Variants in SND1 observed in about 807,000 individuals in gnomAD.
SND1 encodes the protein staphylococcal nuclease domain-containing protein 1.
A neutral mutation model predicts 121.7 loss-of-function variants in SND1; 38 were observed. That is an observed-to-expected ratio of 0.31 (90% confidence interval 0.24 to 0.41). The LOEUF (loss-of-function observed/expected upper bound fraction) is 0.41, where lower values mean the gene tolerates loss of function less well. SND1 is among the 10% of genes least tolerant of loss of function. The probability of loss-of-function intolerance (pLI) is 1.00; values close to 1 mark genes in which losing one functional copy is unlikely to be tolerated. For synonymous variants in SND1, 401 were observed against 447.4 expected (o/e 0.90, Z 1.31); for missense variants, 868 against 1,184.6 (o/e 0.73, Z 3.92).
At chr7:127,694,980 A>C (rs1269371815) in intron 3 of SND1, 32 bp downstream of exon 3, 1 of 1,597,482 alleles carries the variant, frequency 6.3e-7, no homozygotes, top group South Asian at 1.1e-5. Context: ...CATTTCTCTC[A>C]AGTCTAAAGT....
intron 16 of SND1, among the ~76,000 whole-genome samples, chr7:128,048,713 G>A (rs1004813170): frequency 1.3e-5 from 2 of 152,228 alleles, no homozygotes; most frequent in South Asian, 2.1e-4. Context: ...AGGGCGAGAC[G>A]GCAGAAAGCT....
At chr7:127,706,465 G>A (rs533347530) in intron 8 of SND1, among the ~76,000 whole-genome samples, 61 of 151,938 alleles carry the variant, frequency 4.0e-4, no homozygotes, top group Middle Eastern at 3.4e-3. Flanking sequence ...TCACCACGTT[G>A]GCCAGGATGG....
At chr7:127,967,146 A>G (rs1801871398) in intron 15 of SND1, among the ~76,000 whole-genome samples, 1 of 152,196 alleles carries the variant, frequency 6.6e-6, no homozygotes, top group South Asian at 2.1e-4. Context: ...GGTGTTGCAC[A>G]GTCATTAGAT....
chr7:127,718,389 G>A (rs1307147970), intron 9 of SND1, among the ~76,000 whole-genome samples: 1 of 152,122 alleles, frequency 6.6e-6, no homozygotes, highest in Non-Finnish European at 1.5e-5. Flanking sequence ...TTTTATTGCC[G>A]ATTCCATGTC....
In SND1 at chr7:128,089,582, C is replaced by A; in HGVS notation, c.2512C>A (p.Pro838Thr). 1 of 1,614,208 alleles carries A rather than the reference C, an allele frequency of 6.2e-7. No individual in the cohort carries two copies. The highest frequency in any genetic ancestry group is 8.5e-7 in the Non-Finnish European group (1 of 1,180,044). ...CGTGGAACACCTGAGTGCCGGCTGCCCCCATGTCACCCTGCAGTTTGCAGA... is the reference window on the plus strand; with the variant it reads ...CGTGGAACACCTGAGTGCCGGCTGCACCCATGTCACCCTGCAGTTTGCAGA... Reference protein sequence around the residue: ...LNVEHLSAGCPHVTLQFADSK... With the variant: ...LNVEHLSAGCTHVTLQFADSK... The change falls in exon 22 of 24, where the codon CCC becomes ACC. Residue 838 changes from proline to threonine, a missense_variant. By Grantham distance (38) the Pro-to-Thr change is conservative. Transcript: ENST00000354725.
intron 12 of SND1, among the ~76,000 whole-genome samples, chr7:127,881,162 ACT>A (rs1416977936): frequency 6.6e-6 from 1 of 151,744 alleles, no homozygotes; most frequent in African/African-American, 2.4e-5. Flanking sequence ...TCTGCCTCCC[ACT>A]CTCTGGGTCC....
chr7:127,734,475 A>G (rs935280859), intron 10 of SND1, among the ~76,000 whole-genome samples: 10 of 152,188 alleles, frequency 6.6e-5, no homozygotes, highest in South Asian at 2.1e-4. Context: ...CTCATGTGCA[A>G]TTATATTAGC....
Position 127,887,968 on chromosome 7 carries a change from C to T in SND1, c.1410C>T (p.Asp470=), listed in dbSNP as rs766893429. 13 of 1,612,044 alleles carry T rather than the reference C, an allele frequency of 8.1e-6. No individual in the cohort carries two copies. Among genetic ancestry groups the T allele is most frequent in the Admixed American group, 3.3e-5 (2 of 59,854 alleles). Residue 470 remains aspartate, a synonymous_variant, in exon 13 of 24, where the codon GAC becomes GAT. Transcript: ENST00000354725. ...TGATCAGATACCGGCAGGATGATGACCAGAGATCATCACACTACGATGAAC... is the reference window on the plus strand; with the variant it reads ...TGATCAGATACCGGCAGGATGATGATCAGAGATCATCACACTACGATGAAC... ...ATVIRYRQDD[D]QRSSHYDELL...
intron 9 of SND1, among the ~76,000 whole-genome samples, chr7:127,708,375 C>G (rs1218364709): frequency 6.9e-6 from 1 of 145,940 alleles, no homozygotes; most frequent in African/African-American, 2.6e-5. Flanking sequence ...TCCTTCCTTT[C>G]TTCCTTCCTT....
At chr7:128,081,157 C>G (rs571667652) in intron 17 of SND1, among the ~76,000 whole-genome samples, 1 of 152,226 alleles carries the variant, frequency 6.6e-6, no homozygotes, top group Non-Finnish European at 1.5e-5. Flanking sequence ...CCACCGCACC[C>G]AGCTAATTTT....
At chr7:127,867,504 C>G (rs1799499910) in intron 12 of SND1, among the ~76,000 whole-genome samples, 1 of 152,160 alleles carries the variant, frequency 6.6e-6, no homozygotes, top group African/African-American at 2.4e-5. Flanking sequence ...AACTGCTGTT[C>G]CTTTACTCAA....
At chr7:127,898,726 A>G (rs1455007724) in intron 13 of SND1, among the ~76,000 whole-genome samples, 1 of 152,070 alleles carries the variant, frequency 6.6e-6, no homozygotes, top group Admixed American at 6.6e-5. Context: ...GTTCCTTACA[A>G]TCCTGCTACT....
At chr7:127,652,717 C>T (rs1283461213) in intron 1 of SND1, among the ~76,000 whole-genome samples, 1 of 152,212 alleles carries the variant, frequency 6.6e-6, no homozygotes, top group African/African-American at 2.4e-5. Context: ...TTTACCAGGA[C>T]AGATCGATTA....
chr7:127,881,890 C>A (rs766499645), intron 12 of SND1, among the ~76,000 whole-genome samples: 4 of 152,132 alleles, frequency 2.6e-5, no homozygotes, highest in African/African-American at 9.7e-5. Context: ...CCTCCTGCCT[C>A]GCCCTCCCAA....
chr7:128,016,263 G>A (rs941851706), intron 16 of SND1, among the ~76,000 whole-genome samples: 3 of 150,170 alleles, frequency 2.0e-5, no homozygotes, highest in Non-Finnish European at 3.0e-5. Flanking sequence ...GACTATAGAT[G>A]TGCACCACCC....
intron 9 of SND1, among the ~76,000 whole-genome samples, chr7:127,713,837 G>A (rs1452695138): frequency 6.6e-6 from 1 of 152,206 alleles, no homozygotes; most frequent in African/African-American, 2.4e-5. Flanking sequence ...TGCAAAGGAA[G>A]GGCTCTCCTT....
intron 6 of SND1, 74 bp from the exon 7 acceptor site, chr7:127,703,091 G>C: frequency 6.5e-7 from 1 of 1,539,250 alleles, no homozygotes; most frequent in Non-Finnish European, 8.9e-7. Flanking sequence ...TTTTTTGGAA[G>C]GCTTAGTGTG....
At chr7:127,886,431 G>C (rs187225310) in intron 12 of SND1, among the ~76,000 whole-genome samples, 67 of 151,998 alleles carry the variant, frequency 4.4e-4, no homozygotes, top group African/African-American at 1.4e-3. Context: ...AAGAACCACT[G>C]GTGTGTTAGG....
chr7:127,737,673 T>G (rs1026934496), intron 10 of SND1, among the ~76,000 whole-genome samples: 1 of 152,170 alleles, frequency 6.6e-6, no homozygotes. Flanking sequence ...GGACCAGAAG[T>G]GATTCGGATT....
Sources: allele counts gnomAD v4.1 joint callset (sites outside exome capture counted in the v4.1 genomes callset), GRCh38; gene constraint gnomAD v4.1.1; transcripts MANE v1.5; gene names NCBI Gene and HGNC (gene_info 2026-07-23, HGNC 2026-07-21).